Variants in PARP10 observed in about 807,000 individuals in gnomAD.
PARP10 encodes the protein protein mono-ADP-ribosyltransferase PARP10.
Under a neutral mutation model 82.4 loss-of-function variants are expected in PARP10, and 56 were observed. The observed-to-expected ratio is 0.68, with a 90% confidence interval of 0.55 to 0.85. The LOEUF (loss-of-function observed/expected upper bound fraction) is 0.85. Among genes scored for constraint, PARP10 ranks in the 40% least tolerant of loss-of-function variants. The probability of loss-of-function intolerance (pLI) is 0.00; values close to 1 mark genes in which losing one functional copy is unlikely to be tolerated. For missense variants in PARP10, 1,227 were observed against 1,379.4 expected, an observed-to-expected ratio of 0.89 and a Z score of 1.75; for synonymous variants, 576 against 601.1, an observed-to-expected ratio of 0.96 and a Z score of 0.61.
At chr8:144,002,917 A>T (rs1237805321) in intron 1 of PARP10, among the ~76,000 whole-genome samples, 1 of 152,228 alleles carries the variant, frequency 6.6e-6, no homozygotes, top group Non-Finnish European at 1.5e-5. Context: ...TCTCAAAAAC[A>T]AATTAATTAA....
chr8:143,985,357 T>C (rs1554749032), intron 4 of PARP10, 29 bp from the exon 5 acceptor site: 2 of 1,592,952 alleles, frequency 1.3e-6, no homozygotes, highest in Non-Finnish European at 1.7e-6. Flanking sequence ...ACAGAAAGCC[T>C]GTCAGATTTC....
At chr8:144,000,845 G>A (rs890252060) in intron 1 of PARP10, among the ~76,000 whole-genome samples, 1 of 151,518 alleles carries the variant, frequency 6.6e-6, no homozygotes, top group South Asian at 2.1e-4. Context: ...CCAGGAGTTT[G>A]AGACCAGTCT....
upstream of PARP10, chr8:143,991,395 C>A (rs1554750420): frequency 2.6e-6 from 3 of 1,165,314 alleles, no homozygotes; most frequent in East Asian, 5.2e-5. Context: ...GCCAGGGTAC[C>A]CCCATGGCCC....
chr8:143,994,993 G>A (rs1403232609), upstream of PARP10, among the ~76,000 whole-genome samples: 1 of 152,324 alleles, frequency 6.6e-6, no homozygotes, highest in Non-Finnish European at 1.5e-5. Context: ...CAAGTGAAAT[G>A]TGCCAGGACA....
At chr8:143,998,027 A>C (rs1248786796) in intron 1 of PARP10, among the ~76,000 whole-genome samples, 1 of 152,132 alleles carries the variant, frequency 6.6e-6, no homozygotes, top group Non-Finnish European at 1.5e-5. Flanking sequence ...TCCTGGGTTC[A>C]AGCGATCCTC....
intron 9 of PARP10, among the ~76,000 whole-genome samples, chr8:143,980,610 A>C (rs574702784): frequency 7.2e-5 from 11 of 151,982 alleles, no homozygotes; most frequent in African/African-American, 2.4e-4. Context: ...TTTAAAAGTC[A>C]AATATGTTTA....
rs144026672 is a variant in PARP10 at position 143,985,246 on chromosome 8, G to T, written c.756C>A (p.Pro252=). 2 of 1,613,848 alleles carry T rather than the reference G, an allele frequency of 1.2e-6. No individual in the cohort carries two copies. Among genetic ancestry groups the T allele is most frequent in the African/African-American group, 1.3e-5 (1 of 74,918 alleles). ...SLVPHYDILE[P]EELAENTSGG... ...CACTGGTGTTCTCAGCCAGCTCCTC[G>T]GGCTCCAGGATGTCGTAGTGGGGGA... Residue 252 remains proline, a synonymous_variant, in exon 5 of 11, where the codon CCC becomes CCA. Transcript: ENST00000313028.
In PARP10 at chr8:144,008,015, G is replaced by A. The variant is rs149805423; in HGVS notation, c.-80+4515C>T. Among the ~76,000 whole-genome samples the A allele has an allele frequency of 1.1e-3, 167 of 152,288 alleles. 5 individuals carry two copies. The East Asian group carries it at 0.025, about 23-fold the overall frequency. ...GCAATGGAGAGGAGTCACTGCCGACGTCCCGGAGGGCCCTGGAAGTCAAAT... is the reference window on the plus strand; with the variant it reads ...GCAATGGAGAGGAGTCACTGCCGACATCCCGGAGGGCCCTGGAAGTCAAAT... On this transcript the variant is annotated intron_variant, in intron 1 of 3. Transcript: ENST00000530478. This position sits in a 1 kb window ranked among gnomAD's most constrained non-coding sequence, Gnocchi z 4.0.
At position 144,008,638 on chromosome 8, in the gene PARP10, T is replaced by C. The variant is rs1171150754; in HGVS notation, c.-80+3892A>G. Among the ~76,000 whole-genome samples, 4 of 152,162 alleles carry C rather than the reference T, an allele frequency of 2.6e-5. No homozygotes were observed. The highest frequency in any genetic ancestry group is 9.7e-5 in the African/African-American group (4 of 41,440). ...TCCCTGCAGCCAGGAACTGGGACTG[T>C]TCCCAAGTGACACTGTCCAAGAGCT... On this transcript the variant is annotated intron_variant, in intron 1 of 3. Transcript: ENST00000530478. The surrounding 1 kb of genome is among the most constrained non-coding windows in gnomAD (Gnocchi z 4.0).
In PARP10 at chr8:143,984,000, A is replaced by G; in HGVS notation, c.1777+8T>C. The G allele has an allele frequency of 6.6e-7, 1 of 1,511,574 alleles. No individual in the cohort carries two copies. The highest frequency in any genetic ancestry group is 8.8e-7 in the Non-Finnish European group (1 of 1,130,190). The allele number at this position is 1,511,574 out of a possible 1,614,324, so 93.6% of individuals were successfully genotyped here. ...CAGGATGTGCTGAGGGCTCCCAGGG[A>G]GCCCTACCCAGGCTCACGTCCTCCT... On this transcript the variant is annotated splice_region_variant and intron_variant, in intron 7 of 10. Transcript: ENST00000313028.
chr8:143,990,969 C>T, upstream of PARP10: 1 of 292,574 alleles, frequency 3.4e-6, no homozygotes, highest in African/African-American at 2.2e-5. The surrounding 1 kb of genome is among the most constrained non-coding windows in gnomAD (Gnocchi z 5.6). Context: ...CCGGCCCCTC[C>T]CCCACCCTAA....
chr8:143,986,011 G>C (rs1361993363), intron 2 of PARP10, 36 bp from the exon 3 acceptor site: 4 of 1,605,688 alleles, frequency 2.5e-6, no homozygotes, highest in African/African-American at 2.7e-5. Flanking sequence ...TCAGGCATTA[G>C]AATATCAGGG....
upstream of PARP10, chr8:143,991,512 G>C (rs782246114): frequency 1.2e-4 from 178 of 1,544,618 alleles, no homozygotes; most frequent in Non-Finnish European, 1.5e-4. Context: ...CTACCCCCAA[G>C]GGGGCTACCC....
chr8:143,989,322 C>T (rs1297258520), upstream of PARP10, among the ~76,000 whole-genome samples: 1 of 152,240 alleles, frequency 6.6e-6, no homozygotes, highest in Admixed American at 6.5e-5. The surrounding 1 kb of genome is among the most constrained non-coding windows in gnomAD (Gnocchi z 4.3). Flanking sequence ...CTCAGCCCCT[C>T]GCAGCTTGTG....
upstream of PARP10, among the ~76,000 whole-genome samples, chr8:143,988,365 G>A (rs1298706071): frequency 7.0e-6 from 1 of 143,010 alleles, no homozygotes. Context: ...GGGCAGACTG[G>A]TCTCAAACTC....
At chr8:143,982,616 C>T (rs539780157) in intron 9 of PARP10, among the ~76,000 whole-genome samples, 105 of 152,364 alleles carry the variant, frequency 6.9e-4, no homozygotes, top group Non-Finnish European at 1.1e-3. Context: ...CACAAGATGG[C>T]ATCACCGCCC....
At chr8:144,012,726 G>C in exon 1 of PARP10, 1 of 1,551,668 alleles carries the variant, frequency 6.4e-7, no homozygotes, top group African/African-American at 1.4e-5. Flanking sequence ...CCAGAACAAT[G>C]GTAAGAGGCC....
upstream of PARP10, chr8:143,991,727 C>G (rs1834101028): frequency 6.2e-7 from 1 of 1,613,724 alleles, no homozygotes; most frequent in Non-Finnish European, 8.5e-7. Flanking sequence ...GGAGGGTCCC[C>G]CATCCTACTA....
At chr8:144,000,959 G>A (rs528444431) in intron 1 of PARP10, among the ~76,000 whole-genome samples, 3 of 147,650 alleles carry the variant, frequency 2.0e-5, no homozygotes, top group African/African-American at 7.6e-5. Context: ...TGTCGCCCAG[G>A]CTGGAGTGCA....
Sources: gnomAD v4.1 joint callset for allele counts (sites outside exome capture counted in the v4.1 genomes callset) on GRCh38, gnomAD v4.1.1 for gene constraint, Gnocchi (gnomAD v3.1) non-coding constraint, MANE v1.5 for transcripts, NCBI Gene and HGNC (gene_info 2026-07-23, HGNC 2026-07-21) for gene names.